The following MGAM2 variants were observed in gnomAD, a reference collection of about 807,000 sequenced individuals.
MGAM2 encodes probable maltase-glucoamylase 2.
MGAM2 carries 98 observed loss-of-function variants against 96.1 expected under a neutral mutation model. The ratio of observed to expected loss-of-function variants is 1.02; its 90% CI spans 0.87 to 1.21. MGAM2 has a LOEUF of 1.21. Among genes scored for constraint, MGAM2 ranks in the 50% most tolerant of loss-of-function variants. The pLI is 0.00. For missense variants in MGAM2, 2,055 were observed against 1,182.4 expected, an observed-to-expected ratio of 1.74 and a Z score of -10.82; for synonymous variants, 749 against 414.8, an observed-to-expected ratio of 1.81 and a Z score of -9.79.
At chr7:142,154,675 A>G in intron 16 of MGAM2, 54 bp from the exon 17 acceptor site, 1 of 696,602 alleles carries the variant, frequency 1.4e-6, no homozygotes, top group Non-Finnish European at 2.6e-6. Flanking sequence ...AATCTTCACT[A>G]CATGCTTTCG....
rs768830874 is a variant in MGAM2 at position 142,132,012 on chromosome 7, T to C, written c.502T>C (p.Leu168=). 2 of 703,032 alleles carry C rather than the reference T, an allele frequency of 2.8e-6. No homozygotes were observed. The allele number at this position is 703,032 out of a possible 1,614,324, so 43.5% of individuals were successfully genotyped here. A position where few individuals can be genotyped will look rare whatever the true frequency, so the allele number is the denominator to read the frequency against. Residue 168 remains leucine (L), a synonymous_variant, in exon 6 of 48, where the codon TTG becomes CTG. Coordinates refer to ENST00000477922, the MANE Select transcript of MGAM2 (RefSeq NM_001293626.2). Reference sequence around the variant, plus strand: ...TGATGGGATTGCTGATGCCTCCAATTTGAGCTATTACGTGGAGGTTACTGA... The same window carrying C: ...TGATGGGATTGCTGATGCCTCCAATCTGAGCTATTACGTGGAGGTTACTGA... The part of the protein sequence containing the change: ...LVDGIADASN[L]SYYVEVTDKP...
intron 47 of MGAM2, among the ~76,000 whole-genome samples, chr7:142,219,011 A>G (rs1797845330): frequency 6.6e-6 from 1 of 152,212 alleles, no homozygotes; most frequent in Non-Finnish European, 1.5e-5. Flanking sequence ...GAATGAATAC[A>G]TCCCACCTGT....
rs1255525761 is a variant in MGAM2 at position 142,140,900 on chromosome 7, A to C, written c.1185A>C (p.Leu395Phe). 1.4e-6 allele frequency: 1 copy of C among 702,854 alleles called. No homozygotes were observed. 43.5% of individuals were successfully genotyped at this position (702,854 alleles called of 1,614,324 possible). Residue 395 changes from leucine (L) to phenylalanine (F), a missense_variant, in exon 11 of 48, where the codon TTA (leucine) becomes TTC (phenylalanine). By Grantham distance (22) the Leu-to-Phe change is conservative. Transcript: ENST00000477922. ...YSGLPDFVKE[L>F]HDNGQKYLII... ...GTCTCCCAGATTTTGTCAAGGAGTT[A>C]CATGACAATGGACAGAAATATCTTA... is the stretch of plus-strand genomic sequence containing the variant.
At chr7:142,136,378 T>A (rs930950949) in intron 7 of MGAM2, among the ~76,000 whole-genome samples, 163 bp from the exon 8 acceptor site, 1 of 152,240 alleles carries the variant, frequency 6.6e-6, no homozygotes, top group East Asian at 1.9e-4. Flanking sequence ...TGTTTATTCA[T>A]TTTCCAGTTG....
At chr7:142,114,153 G>A (rs7459063) in intron 1 of MGAM2, among the ~76,000 whole-genome samples, 11,651 of 85,276 alleles carry the variant, frequency 0.14, 1,009 homozygotes, top group African/African-American at 0.22. Context: ...AAAGAAAGAA[G>A]GAAAGAAAGA....
chr7:142,131,903 G>C (rs1401908852), intron 5 of MGAM2, 28 bp from the exon 6 acceptor site: 1 of 694,976 alleles, frequency 1.4e-6, no homozygotes, highest in Non-Finnish European at 2.6e-6. Context: ...CTTATCTGCA[G>C]TTGTCCCTTC....
chr7:142,129,512 AGTT>A (rs1162689488), intron 3 of MGAM2, among the ~76,000 whole-genome samples: 1 of 152,244 alleles, frequency 6.6e-6, no homozygotes, highest in East Asian at 1.9e-4. Flanking sequence ...TTTCAATTGT[AGTT>A]GTAATTGTAA....
At chr7:142,216,443 A>G (rs796739695) in intron 46 of MGAM2, among the ~76,000 whole-genome samples, 2 of 152,200 alleles carry the variant, frequency 1.3e-5, no homozygotes, top group South Asian at 2.1e-4. Context: ...TATTTCTGTG[A>G]TGTTTGATAG....
chr7:142,174,289 A>G (rs570635290), intron 31 of MGAM2, among the ~76,000 whole-genome samples: 245 of 152,302 alleles, frequency 1.6e-3, no homozygotes, highest in African/African-American at 5.7e-3. Context: ...CATTTTAATG[A>G]TACTGATTCT....
chr7:142,127,893 G>T (rs986024294), intron 3 of MGAM2, among the ~76,000 whole-genome samples: 4 of 152,156 alleles, frequency 2.6e-5, no homozygotes, highest in African/African-American at 9.7e-5. Flanking sequence ...ATTGGTACCA[G>T]GTAGTGGGGT....
intron 46 of MGAM2, among the ~76,000 whole-genome samples, chr7:142,213,270 G>A (rs1351459220): frequency 1.3e-5 from 2 of 152,090 alleles, no homozygotes; most frequent in Non-Finnish European, 2.9e-5. Flanking sequence ...AGCTAGAGAA[G>A]CAAGGGCAAA....
At chr7:142,207,650 C>T (rs1250306791) in intron 45 of MGAM2, among the ~76,000 whole-genome samples, 16 of 151,986 alleles carry the variant, frequency 1.1e-4, no homozygotes, top group African/African-American at 3.6e-4. Context: ...AGGACGGTCT[C>T]GAGCTCCTGA....
intron 7 of MGAM2, among the ~76,000 whole-genome samples, chr7:142,135,169 T>C (rs756741924): frequency 1.3e-5 from 2 of 152,146 alleles, no homozygotes; most frequent in African/African-American, 2.4e-5. Flanking sequence ...TGGCAGGAGA[T>C]GAACAAAGCA....
At chr7:142,190,859 G>A (rs1182184106) in intron 37 of MGAM2, among the ~76,000 whole-genome samples, 2 of 151,840 alleles carry the variant, frequency 1.3e-5, no homozygotes, top group African/African-American at 4.8e-5. Context: ...TTGTGGCCAG[G>A]CGTGGTGGCT....
At chr7:142,159,405 A>T in intron 20 of MGAM2, 62 bp downstream of exon 20, 1 of 697,682 alleles carries the variant, frequency 1.4e-6, no homozygotes, top group South Asian at 1.5e-5. Context: ...ATTCTAAAGC[A>T]GCAGTCTTGG....
chr7:142,141,984 T>C (rs894189478), intron 12 of MGAM2, among the ~76,000 whole-genome samples: 5 of 152,290 alleles, frequency 3.3e-5, no homozygotes, highest in Admixed American at 2.6e-4. Flanking sequence ...GATGATTGGA[T>C]TCTGTAAGAT....
intron 27 of MGAM2, chr7:142,171,031 G>A (rs1471811898): frequency 5.6e-6 from 3 of 538,844 alleles, no homozygotes; most frequent in Non-Finnish European, 1.0e-5. Context: ...TATGGCCCTT[G>A]CCCACAAGGA....
intron 14 of MGAM2, among the ~76,000 whole-genome samples, chr7:142,146,093 C>T (rs1795373004): frequency 1.3e-5 from 2 of 149,926 alleles, no homozygotes; most frequent in Admixed American, 1.3e-4. Context: ...TTCTTCTCTG[C>T]TCTGTCTGGA....
At chr7:142,173,117 T>C in intron 30 of MGAM2, 112 bp from the exon 31 acceptor site, 1 of 576,506 alleles carries the variant, frequency 1.7e-6, no homozygotes. Context: ...CTTTCTTGGG[T>C]GAGGCCTCTT....
Sources: allele counts gnomAD v4.1 joint callset (sites outside exome capture counted in the v4.1 genomes callset), GRCh38; gene constraint gnomAD v4.1.1; transcripts MANE v1.5; gene names NCBI Gene and HGNC (gene_info 2026-07-23, HGNC 2026-07-21).